The following IGFL2 variants were observed in gnomAD, a reference collection of about 807,000 sequenced individuals.
The protein encoded by IGFL2 is insulin growth factor-like family member 2.
IGFL2 carries 7 observed loss-of-function variants against 13.9 expected under a neutral mutation model. That is an observed-to-expected ratio of 0.51 (90% CI 0.29 to 0.95). The LOEUF is 0.95. IGFL2 is among the 40% of genes least tolerant of loss of function. The probability of loss-of-function intolerance (pLI) is 0.08; values close to 1 mark genes in which losing one functional copy is unlikely to be tolerated. For synonymous variants in IGFL2, 55 were observed against 55.8 expected, an observed-to-expected ratio of 0.99 and a Z score of 0.07; for missense variants, 138 against 147.8, an observed-to-expected ratio of 0.93 and a Z score of 0.34.
chr19:46,096,111 A>G, the IGFL2 span, among the ~76,000 whole-genome samples: 2 of 152,190 alleles, frequency 1.3e-5, no homozygotes, highest in African/African-American at 4.8e-5. Flanking sequence ...TACTTTGGGC[A>G]GTATGGCCAT....
At chr19:46,175,069 G>A in the IGFL2 span, among the ~76,000 whole-genome samples, 1 of 152,056 alleles carries the variant, frequency 6.6e-6, no homozygotes, top group Non-Finnish European at 1.5e-5. Context: ...TTAAAAATTA[G>A]TAAATTATTA....
the IGFL2 span, chr19:46,120,034 A>G: frequency 4.6e-5 from 20 of 433,562 alleles, 3 homozygotes; most frequent in South Asian, 5.0e-4. Context: ...GCTCCTGCTC[A>G]GTGTCCAGGA....
At chr19:46,208,301 T>G in the IGFL2 span, 1 of 152,272 alleles carries the variant, frequency 6.6e-6, no homozygotes, top group Non-Finnish European at 1.5e-5. Flanking sequence ...CCAGGGCAGA[T>G]AGAGTCTCCC....
the IGFL2 span, among the ~76,000 whole-genome samples, chr19:46,181,999 C>G: frequency 6.6e-6 from 1 of 152,126 alleles, no homozygotes; most frequent in Admixed American, 6.5e-5. Context: ...TCACTGGCAA[C>G]AATTTCCCTG....
the IGFL2 span, among the ~76,000 whole-genome samples, chr19:46,169,710 TG>T: frequency 6.6e-6 from 1 of 151,914 alleles, no homozygotes. Context: ...CAACCAGGTG[TG>T]GTGGTGGGTG....
At chr19:46,162,924 G>T (rs1190984060), downstream of IGFL2, among the ~76,000 whole-genome samples, 1 of 152,188 alleles carries the variant, frequency 6.6e-6, no homozygotes, top group East Asian at 1.9e-4. Context: ...ATCTCTGTGT[G>T]TGAGTGTTTC....
chr19:46,167,529 A>C, the IGFL2 span, among the ~76,000 whole-genome samples: 1 of 152,092 alleles, frequency 6.6e-6, no homozygotes, highest in African/African-American at 2.4e-5. Flanking sequence ...CCACCATAAA[A>C]AGACTAGAGC....
At chr19:46,083,188 G>A in the IGFL2 span, among the ~76,000 whole-genome samples, 11 of 152,284 alleles carry the variant, frequency 7.2e-5, no homozygotes, top group African/African-American at 2.6e-4. Context: ...TACTTCCAGG[G>A]CTGTTACTGA....
chr19:46,081,114 G>T, the IGFL2 span, among the ~76,000 whole-genome samples: 1 of 152,168 alleles, frequency 6.6e-6, no homozygotes, highest in Non-Finnish European at 1.5e-5. Context: ...ATCTGGTTTG[G>T]ACTGGCTAAA....
At chr19:46,125,349 A>G in the IGFL2 span, among the ~76,000 whole-genome samples, 1 of 152,200 alleles carries the variant, frequency 6.6e-6, no homozygotes, top group Non-Finnish European at 1.5e-5. Context: ...TGCTTTTCAT[A>G]ATCATATTAT....
the IGFL2 span, among the ~76,000 whole-genome samples, chr19:46,183,567 A>C: frequency 9.7e-5 from 13 of 134,132 alleles, no homozygotes; most frequent in East Asian, 2.2e-4. Flanking sequence ...ATGGAGTCTC[A>C]CTCTGTCACC....
downstream of IGFL2, chr19:46,164,673 C>T (rs1974312789): frequency 6.6e-6 from 1 of 152,222 alleles, no homozygotes; most frequent in Non-Finnish European, 1.5e-5. Flanking sequence ...GAACAATAGA[C>T]CTTTACGTCT....
At chr19:46,148,758 A>G (rs1403793741) in intron 1 of IGFL2, 1 of 953,644 alleles carries the variant, frequency 1.0e-6, no homozygotes, top group Non-Finnish European at 1.5e-6. Flanking sequence ...GGAGGATTAT[A>G]GCACTGTGGA....
upstream of IGFL2, among the ~76,000 whole-genome samples, chr19:46,138,317 C>T (rs1972694828): frequency 6.6e-6 from 1 of 152,196 alleles, no homozygotes; most frequent in South Asian, 2.1e-4. Context: ...TTCTGGGCTG[C>T]ATCGTCTAAC....
chr19:46,108,861 A>G, the IGFL2 span, among the ~76,000 whole-genome samples: 5 of 152,218 alleles, frequency 3.3e-5, no homozygotes, highest in Non-Finnish European at 4.4e-5. Flanking sequence ...AGGGAAAGGA[A>G]CCAAAATTAA....
the IGFL2 span, among the ~76,000 whole-genome samples, chr19:46,117,820 C>T: frequency 2.0e-5 from 3 of 152,164 alleles, no homozygotes; most frequent in African/African-American, 4.8e-5. Context: ...CTTGGGACTA[C>T]AGGCCCCAGA....
the IGFL2 span, among the ~76,000 whole-genome samples, chr19:46,210,911 G>A: frequency 6.6e-6 from 1 of 152,204 alleles, no homozygotes; most frequent in Admixed American, 6.5e-5. Flanking sequence ...ACTTCTTCAG[G>A]ACTTTCTGGT....
At chr19:46,196,728 T>C in the IGFL2 span, 1 of 152,782 alleles carries the variant, frequency 6.5e-6, no homozygotes, top group Non-Finnish European at 1.5e-5. Flanking sequence ...TGACCTCAGA[T>C]CACCTTCTAG....
intron 1 of IGFL2, among the ~76,000 whole-genome samples, chr19:46,156,078 A>G (rs1165065792): frequency 6.6e-6 from 1 of 152,174 alleles, no homozygotes; most frequent in Non-Finnish European, 1.5e-5. Context: ...CAGCCTCCCA[A>G]AGTGCTAGGA....
Sources: allele counts gnomAD v4.1 joint callset (sites outside exome capture counted in the v4.1 genomes callset), GRCh38; gene constraint gnomAD v4.1.1; transcripts MANE v1.5; gene names NCBI Gene and HGNC (gene_info 2026-07-23, HGNC 2026-07-21).